The following ABCA5 variants were observed in gnomAD, a reference collection of about 807,000 sequenced individuals.
ABCA5 encodes ATP binding cassette subfamily A member 5.
A neutral mutation model predicts 206.0 loss-of-function variants in ABCA5; 163 were observed. The observed-to-expected ratio is 0.79, with a 90% CI of 0.70 to 0.90. The LOEUF (loss-of-function observed/expected upper bound fraction) is 0.90, where lower values mean the gene tolerates loss of function less well. ABCA5 is among the 40% of genes least tolerant of loss of function. The probability of loss-of-function intolerance (pLI) is 0.00; values close to 1 mark genes in which losing one functional copy is unlikely to be tolerated. For synonymous variants in ABCA5, 609 were observed against 613.8 expected (o/e 0.99, Z 0.11); for missense variants, 1,859 against 1,912.9 (o/e 0.97, Z 0.53).
At chr17:69,250,354 GATAT>G (rs147076066) in intron 36 of ABCA5, 114 bp downstream of exon 36, 9 of 713,510 alleles carry the variant, frequency 1.3e-5, no homozygotes, top group South Asian at 2.6e-5. Context: ...CACACACAGA[GATAT>G]ATATATATAT....
intron 7 of ABCA5, chr17:69,304,434 T>C (rs1484734791): frequency 9.6e-6 from 3 of 313,726 alleles, no homozygotes; most frequent in Non-Finnish European, 1.8e-5. Flanking sequence ...AGAGGAGTTG[T>C]ATGTGAAATA....
chr17:69,250,828 C>A, intron 35 of ABCA5: 1 of 312,468 alleles, frequency 3.2e-6, no homozygotes, highest in South Asian at 6.4e-5. Context: ...TTCCTCACAA[C>A]TGAGACACCG....
chr17:69,286,741 G>A (rs1029383683), intron 15 of ABCA5, among the ~76,000 whole-genome samples: 4 of 152,218 alleles, frequency 2.6e-5, no homozygotes, highest in East Asian at 3.9e-4. Context: ...TAAAAATAAA[G>A]GTACTACTGA....
At chr17:69,275,459 T>C (rs1371701642) in intron 19 of ABCA5, among the ~76,000 whole-genome samples, 3 of 152,164 alleles carry the variant, frequency 2.0e-5, no homozygotes, top group Non-Finnish European at 4.4e-5. Flanking sequence ...TTAAAAAAAT[T>C]CTTAAATTGT....
At chr17:69,248,438 G>T (rs2074977073) in intron 37 of ABCA5, 121 bp from the exon 38 acceptor site, 3 of 577,056 alleles carry the variant, frequency 5.2e-6, no homozygotes, top group Admixed American at 3.0e-5. Flanking sequence ...ATTTGAAGCT[G>T]CCAAAACATG....
chr17:69,307,037 A>G, intron 5 of ABCA5, 83 bp from the exon 6 acceptor site: 1 of 934,632 alleles, frequency 1.1e-6, no homozygotes, highest in Non-Finnish European at 1.5e-6. Context: ...ATATCCCTAA[A>G]TTTGGTCAGT....
Position 69,327,133 on chromosome 17 carries a change from T to C in ABCA5, c.-97A>G, listed in dbSNP as rs1006875683. 3.4e-5 allele frequency: 5 copies of C among 146,816 alleles called. No individual in the cohort carries two copies. Among genetic ancestry groups the C allele is most frequent in the African/African-American group, 5.1e-5 (2 of 39,130 alleles). The allele number at this position is 146,816 out of a possible 1,614,324, so 9.1% of individuals were successfully genotyped here. A position where few individuals can be genotyped will look rare whatever the true frequency, so the allele number is the denominator to read the frequency against. On this transcript the variant is annotated 5_prime_UTR_variant, in exon 1 of 39. Transcript: ENST00000392676. ...GTGCGGGTGACCCAGCTGGGATCTGTGCGAGGGCGCGGCCGCGCGCACCCG... is the reference window on the plus strand; with the variant it reads ...GTGCGGGTGACCCAGCTGGGATCTGCGCGAGGGCGCGGCCGCGCGCACCCG...
intron 7 of ABCA5, among the ~76,000 whole-genome samples, chr17:69,303,845 C>CATAT (rs1421146542): frequency 0.23 from 1,433 of 6,154 alleles, 515 homozygotes; most frequent in Middle Eastern, 0.88. Flanking sequence ...TATATACATA[C>CATAT]ATATATATAT....
intron 8 of ABCA5, 134 bp from the exon 9 acceptor site, chr17:69,301,420 C>T (rs1018028391): frequency 1.9e-6 from 1 of 524,168 alleles, no homozygotes; most frequent in South Asian, 4.3e-5. Context: ...AAACACTTGA[C>T]CAAATTAATA....
intron 25 of ABCA5, 125 bp from the exon 26 acceptor site, chr17:69,261,384 C>A: frequency 1.1e-6 from 1 of 918,612 alleles, no homozygotes; most frequent in Non-Finnish European, 1.6e-6. Flanking sequence ...TGATATTTAG[C>A]CAGCAAGCAA....
chr17:69,295,213 G>A (rs1337314924), intron 10 of ABCA5, among the ~76,000 whole-genome samples: 12 of 152,150 alleles, frequency 7.9e-5, no homozygotes. Context: ...TGAAATGACA[G>A]GTAACCGCAC....
At chr17:69,288,461 T>C (rs1189826397) in intron 14 of ABCA5, among the ~76,000 whole-genome samples, 1 of 152,188 alleles carries the variant, frequency 6.6e-6, no homozygotes. Context: ...TTATTAACTA[T>C]AACAAATATT....
At chr17:69,272,313 T>C (rs989517830) in intron 20 of ABCA5, among the ~76,000 whole-genome samples, 1 of 151,976 alleles carries the variant, frequency 6.6e-6, no homozygotes, top group Non-Finnish European at 1.5e-5. Context: ...CCAATATATA[T>C]ACACACAGAG....
At chr17:69,250,057 T>A in intron 36 of ABCA5, 73 bp from the exon 37 acceptor site, 4 of 952,182 alleles carry the variant, frequency 4.2e-6, no homozygotes, top group Non-Finnish European at 5.8e-6. Context: ...AAGTTCAACA[T>A]GTTTAAAATT....
In ABCA5 at chr17:69,268,407, T is replaced by C. The variant is rs369214051; in HGVS notation, c.3031-351A>G. On this transcript the variant is annotated intron_variant, in intron 22 of 38. Coordinates refer to ENST00000392676, the MANE Select transcript of ABCA5 (RefSeq NM_172232.4). Reference sequence around the variant, plus strand: ...AAAGCAGTTAGTATGTCCACCATAGTGGTCCTATGAAATAATAATAAATAT... The same window carrying C: ...AAAGCAGTTAGTATGTCCACCATAGCGGTCCTATGAAATAATAATAAATAT... Among the ~76,000 whole-genome samples, 213 of 152,214 alleles carry C rather than the reference T, an allele frequency of 1.4e-3. 2 individuals are homozygous for C. Among genetic ancestry groups the C allele is most frequent in the African/African-American group, 4.9e-3 (204 of 41,534 alleles).
chr17:69,292,350 C>T (rs991409851), intron 11 of ABCA5, among the ~76,000 whole-genome samples: 3 of 151,992 alleles, frequency 2.0e-5, no homozygotes, highest in Non-Finnish European at 4.4e-5. Flanking sequence ...GTCTTATTTA[C>T]CTGTAAGCAT....
chr17:69,261,481 T>C (rs2075146696), intron 25 of ABCA5, among the ~76,000 whole-genome samples, 154 bp downstream of exon 25: 1 of 152,038 alleles, frequency 6.6e-6, no homozygotes, highest in South Asian at 2.1e-4. Flanking sequence ...AAAGGATGAT[T>C]CAGAAGACAA....
At chr17:69,270,843 C>G in intron 21 of ABCA5, 93 bp from the exon 22 acceptor site, 1 of 1,208,708 alleles carries the variant, frequency 8.3e-7, no homozygotes, top group Non-Finnish European at 1.1e-6. Context: ...AAAGCTAATT[C>G]TCATACAGAA....
chr17:69,314,432 T>C lies in ABCA5; in HGVS notation c.-15-2A>G, dbSNP rs752008188. On this transcript the variant is annotated splice_acceptor_variant, in intron 1 of 38. Coordinates refer to ENST00000392676, the MANE Select transcript of ABCA5 (RefSeq NM_172232.4). LOFTEE classifies it low-confidence loss of function (5UTR_SPLICE). ...AGTGGACATGTTTTCTGAATAAACC[T>C]ATTAAAGAGGAAAAACAAACAAACA... is the stretch of plus-strand genomic sequence containing the variant. 6.4e-7 allele frequency: 1 copy of C among 1,562,292 alleles called. No individual in the cohort carries two copies. Among genetic ancestry groups the C allele is most frequent in the Non-Finnish European group, 8.8e-7 (1 of 1,138,888 alleles).
Sources: gnomAD v4.1 joint callset for allele counts (sites outside exome capture counted in the v4.1 genomes callset) on GRCh38, gnomAD v4.1.1 for gene constraint, MANE v1.5 for transcripts, NCBI Gene and HGNC (gene_info 2026-07-23, HGNC 2026-07-21) for gene names.